The following AFF4 variants were observed in gnomAD, a reference collection of about 807,000 sequenced individuals.
AFF4 encodes AF4/FMR2 family member 4.
A neutral mutation model predicts 124.8 loss-of-function variants in AFF4; 13 were observed. That is an observed-to-expected ratio of 0.10 (90% CI 0.07 to 0.17). AFF4 has a LOEUF of 0.17. AFF4 is among the 10% of genes least tolerant of loss of function. The pLI is 1.00. For missense variants in AFF4, 1,092 were observed against 1,403.8 expected, an observed-to-expected ratio of 0.78 and a Z score of 3.55; for synonymous variants, 477 against 496.1, an observed-to-expected ratio of 0.96 and a Z score of 0.51.
chr5:132,946,779 T>C (rs945593070), intron 1 of AFF4, among the ~76,000 whole-genome samples: 21 of 152,204 alleles, frequency 1.4e-4, no homozygotes, highest in African/African-American at 4.8e-4. Flanking sequence ...ATTAAAATAG[T>C]AAATTTTATA....
intron 18 of AFF4, 46 bp from the exon 19 acceptor site, chr5:132,885,165 T>A (rs534003731): frequency 1.4e-6 from 2 of 1,415,220 alleles, no homozygotes; most frequent in Non-Finnish European, 2.0e-6. Context: ...AAACCACCAC[T>A]ACTTTAAGAA....
intron 5 of AFF4, among the ~76,000 whole-genome samples, chr5:132,906,176 C>T (rs1466778745): frequency 6.6e-6 from 1 of 152,172 alleles, no homozygotes; most frequent in Non-Finnish European, 1.5e-5. Flanking sequence ...CGAAATGGTA[C>T]AGCTGCTTTG....
chr5:132,888,035 A>T (rs927855090), intron 15 of AFF4, 53 bp from the exon 16 acceptor site: 556 of 1,607,752 alleles, frequency 3.5e-4, no homozygotes, highest in Non-Finnish European at 4.3e-4. Flanking sequence ...GGCTACAAAC[A>T]TCAGAAGATT....
Position 132,909,437 on chromosome 5 carries a change from T to A in AFF4, c.1051-5033A>T, listed in dbSNP as rs1023114727. On this transcript the variant is annotated intron_variant, in intron 5 of 20. Transcript: ENST00000265343. ...GGATTACAGGCATGAGCCACCACAA[T>A]AGGCCAACATCATCTTTACTCTGAA... 2.0e-5 allele frequency among the ~76,000 whole-genome samples: 3 copies of A among 152,186 alleles called. 1 individual carries two copies. The highest frequency in any genetic ancestry group is 4.1e-4 in the South Asian group (2 of 4,826).
At chr5:132,895,925 T>C (rs1760379218) in intron 11 of AFF4, among the ~76,000 whole-genome samples, 1 of 152,222 alleles carries the variant, frequency 6.6e-6, no homozygotes, top group Admixed American at 6.5e-5. Context: ...TAAGTGTGAC[T>C]TGGTCTGGGT....
At chr5:132,929,028 T>A (rs2150094452) in intron 4 of AFF4, among the ~76,000 whole-genome samples, 1 of 152,314 alleles carries the variant, frequency 6.6e-6, no homozygotes, top group Non-Finnish European at 1.5e-5. Flanking sequence ...AGTAGGTGCT[T>A]AATGAGCATG....
intron 1 of AFF4, among the ~76,000 whole-genome samples, chr5:132,951,992 T>G (rs1264677352): frequency 6.6e-6 from 1 of 152,242 alleles, no homozygotes; most frequent in Non-Finnish European, 1.5e-5. Context: ...TTCATTTATT[T>G]TCACTGTGTA....
In AFF4 at chr5:132,898,481, T is replaced by C. The variant is rs1237806726; in HGVS notation, c.1227-89A>G. On this transcript the variant is annotated intron_variant, in intron 9 of 20. Transcript: ENST00000265343. Reference sequence around the variant, plus strand: ...AAATCGACAACCAACTTTCTTTTTTTCTTCTTGTCTTTTTTTTTTTTAGAC... The same window carrying C: ...AAATCGACAACCAACTTTCTTTTTTCCTTCTTGTCTTTTTTTTTTTTAGAC... 17 of 1,371,644 alleles carry C rather than the reference T, an allele frequency of 1.2e-5. 1 individual carries two copies. The highest frequency in any genetic ancestry group is 4.3e-5 in the South Asian group (3 of 69,628). 85.0% of individuals were successfully genotyped at this position (1,371,644 alleles called of 1,614,324 possible). A position where few individuals can be genotyped will look rare whatever the true frequency, so the allele number is the denominator to read the frequency against.
chr5:132,893,774 G>A (rs745955738), intron 11 of AFF4, among the ~76,000 whole-genome samples: 3 of 152,040 alleles, frequency 2.0e-5, no homozygotes, highest in Non-Finnish European at 2.9e-5. Flanking sequence ...CACTGCACCC[G>A]GCTTAATGAA....
In AFF4 at chr5:132,877,460, T is replaced by C. The variant is rs1366267151; in HGVS notation, c.*3599A>G. The stretch of plus-strand genomic sequence containing the variant: ...AATTTAATAAATAATGTGGAAATAG[T>C]TGCACTAAGCTAAAATACTAAACAC... On this transcript the variant is annotated 3_prime_UTR_variant, in exon 21 of 21. Transcript: ENST00000265343. 13 of 215,550 alleles carry C rather than the reference T, an allele frequency of 6.0e-5. No homozygotes were observed. The highest frequency in any genetic ancestry group is 7.0e-5 in the East Asian group (1 of 14,314). The allele number at this position is 215,550 out of a possible 1,614,324, so 13.4% of individuals were successfully genotyped here.
intron 7 of AFF4, chr5:132,901,029 G>A: frequency 1.0e-6 from 1 of 985,346 alleles, no homozygotes; most frequent in Non-Finnish European, 1.2e-6. Context: ...TTGAAATAAA[G>A]TAACCAGATG....
chr5:132,900,871 C>T, intron 7 of AFF4: 1 of 982,504 alleles, frequency 1.0e-6, no homozygotes, highest in Non-Finnish European at 1.2e-6. Context: ...AATTCCATTA[C>T]CTTTCTTAAA....
In AFF4 at chr5:132,883,517, G is replaced by A; in HGVS notation, c.3187C>T (p.Pro1063Ser). ...GATGAATAATTTCCTGAATTGCCTG[G>A]TGACAGCTTTGGAGAAACAGGGGAA... ...MPSPVSPKLS[P>S]GNSGNYSSGA... The change falls in exon 20 of 21, where the codon CCA becomes TCA. Residue 1063 changes from proline to serine, a missense_variant. Physicochemically the swap from Pro to Ser is moderately conservative, Grantham distance 74. This residue lies in a region of AFF4 where 173 missense variants were observed against 294.9 expected (regional missense o/e 0.59). Transcript: ENST00000265343. 1 of 1,613,918 alleles carries A rather than the reference G, an allele frequency of 6.2e-7. No individual in the cohort carries two copies. The highest frequency in any genetic ancestry group is 1.1e-5 in the South Asian group (1 of 91,070).
intron 1 of AFF4, among the ~76,000 whole-genome samples, chr5:132,950,541 C>CG (rs1413165869): frequency 6.6e-6 from 1 of 151,632 alleles, no homozygotes; most frequent in Non-Finnish European, 1.5e-5. Context: ...CCTAGCTACT[C>CG]GGGAGGCTGA....
intron 1 of AFF4, 76 bp from the exon 2 acceptor site, chr5:132,937,269 T>C: frequency 6.9e-7 from 1 of 1,447,534 alleles, no homozygotes; most frequent in Non-Finnish European, 9.2e-7. Context: ...TTTTGTCAGC[T>C]TAACACTTCA....
At chr5:132,882,161 T>C (rs959264691) in intron 20 of AFF4, among the ~76,000 whole-genome samples, 2 of 149,996 alleles carry the variant, frequency 1.3e-5, no homozygotes, top group Non-Finnish European at 3.0e-5. Context: ...TGCAGTGAAC[T>C]GTGACTGTGC....
At chr5:132,924,651 C>T (rs1027217464) in intron 5 of AFF4, among the ~76,000 whole-genome samples, 1 of 151,820 alleles carries the variant, frequency 6.6e-6, no homozygotes, top group Non-Finnish European at 1.5e-5. Flanking sequence ...GTCAGGAGTT[C>T]GAGACCAGCC....
intron 5 of AFF4, among the ~76,000 whole-genome samples, chr5:132,912,948 A>T (rs2150083518): frequency 6.6e-6 from 1 of 152,258 alleles, no homozygotes; most frequent in African/African-American, 2.4e-5. Flanking sequence ...CTGTATAAAT[A>T]ATCACATTAA....
At position 132,881,193 on chromosome 5, in the gene AFF4, A is replaced by T. The variant is rs1759968657; in HGVS notation, c.3365-7T>A. On this transcript the variant is annotated splice_polypyrimidine_tract_variant and splice_region_variant and intron_variant, in intron 20 of 20. Coordinates refer to ENST00000265343, the MANE Select transcript of AFF4 (RefSeq NM_014423.4). Reference sequence around the variant, plus strand: ...TCCAGTTCAGCAAAGAATTCTAGAAAACCAAAAACATTCATTAAATGATAT... The same window carrying T: ...TCCAGTTCAGCAAAGAATTCTAGAATACCAAAAACATTCATTAAATGATAT... 1 of 1,613,262 alleles carries T rather than the reference A, an allele frequency of 6.2e-7. No homozygotes were observed. The highest frequency in any genetic ancestry group is 1.3e-5 in the African/African-American group (1 of 74,916).
Sources: gnomAD v4.1 joint callset for allele counts (sites outside exome capture counted in the v4.1 genomes callset) on GRCh38, gnomAD v4.1.1 for gene constraint, gnomAD v4.1.1 regional missense constraint, MANE v1.5 for transcripts, NCBI Gene and HGNC (gene_info 2026-07-23, HGNC 2026-07-21) for gene names.